The following TMEM209 variants were observed in gnomAD, a reference collection of about 807,000 sequenced individuals.
TMEM209 encodes the protein testicular tissue protein Li 202.
TMEM209 carries 65 observed loss-of-function variants against 76.2 expected under a neutral mutation model. The observed-to-expected ratio is 0.85, with a 90% CI of 0.70 to 1.05. The LOEUF (loss-of-function observed/expected upper bound fraction) is 1.05, where lower values mean the gene tolerates loss of function less well. TMEM209 is among the 50% of genes least tolerant of loss of function. The pLI, the probability that TMEM209 is intolerant of heterozygous loss-of-function variation, is 0.00. For missense variants in TMEM209, 623 were observed against 685.5 expected (o/e 0.91, Z 1.02); for synonymous variants, 239 against 237.6 (o/e 1.01, Z -0.06).
chr7:130,198,771 A>G (rs2117028857), intron 5 of TMEM209, among the ~76,000 whole-genome samples: 1 of 152,296 alleles, frequency 6.6e-6, no homozygotes, highest in East Asian at 1.9e-4. Flanking sequence ...TAAACATTTT[A>G]GTGGTGTTTT....
intron 1 of TMEM209, chr7:130,205,103 G>C (rs952710311): frequency 1.1e-5 from 15 of 1,410,910 alleles, no homozygotes; most frequent in Non-Finnish European, 1.2e-5. Flanking sequence ...TTGTTCCAGC[G>C]ACAAGCAGTC....
At chr7:130,201,790 T>C in intron 5 of TMEM209, 60 bp downstream of exon 5, 1 of 1,594,536 alleles carries the variant, frequency 6.3e-7, no homozygotes, top group Non-Finnish European at 8.6e-7. Context: ...CATTAGATGA[T>C]TTTTAGTATA....
At chr7:130,183,148 T>G (rs1431847661) in intron 8 of TMEM209, among the ~76,000 whole-genome samples, 1 of 152,228 alleles carries the variant, frequency 6.6e-6, no homozygotes, top group Non-Finnish European at 1.5e-5. Flanking sequence ...CATGTTAGCA[T>G]TTTTAGACTA....
intron 9 of TMEM209, among the ~76,000 whole-genome samples, chr7:130,179,539 T>C (rs550379832): frequency 1.3e-5 from 2 of 152,280 alleles, no homozygotes; most frequent in East Asian, 1.9e-4. Context: ...TAACTATGCA[T>C]AGAAATGTAA....
At position 130,187,857 on chromosome 7, in the gene TMEM209, C is replaced by T. The variant is rs117408680; in HGVS notation, c.776-2490G>A. On this transcript the variant is annotated intron_variant, in intron 6 of 14. Coordinates refer to ENST00000397622, the MANE Select transcript of TMEM209 (RefSeq NM_032842.4). Reference sequence around the variant, plus strand: ...AACAGCTAGGAAGAGACAAGGCTTCCATCCAGCCAAGATAAGCTTACCAGA... The same window carrying T: ...AACAGCTAGGAAGAGACAAGGCTTCTATCCAGCCAAGATAAGCTTACCAGA... Among the ~76,000 whole-genome samples, 9 of 152,198 alleles carry T rather than the reference C, an allele frequency of 5.9e-5. No individual in the cohort carries two copies. In the East Asian group the frequency reaches 1.7e-3, roughly 29 times the overall value.
chr7:130,171,964 C>T lies in TMEM209; in HGVS notation c.1558-1491G>A, dbSNP rs181154481. On this transcript the variant is annotated intron_variant, in intron 13 of 14. Coordinates refer to ENST00000397622, the MANE Select transcript of TMEM209 (RefSeq NM_032842.4). ...AGGAGAATCGCTTGAACCTGGGAGG[C>T]GGAGGTTGCAGTGAGCCGAGATCAC... is the stretch of plus-strand genomic sequence containing the variant. 2.2e-3 allele frequency among the ~76,000 whole-genome samples: 337 copies of T among 150,370 alleles called. 1 individual carries two copies. Among genetic ancestry groups the T allele is most frequent in the Non-Finnish European group, 3.7e-3 (249 of 67,474 alleles).
At chr7:130,190,248 T>C (rs897034679) in intron 6 of TMEM209, among the ~76,000 whole-genome samples, 6 of 152,204 alleles carry the variant, frequency 3.9e-5, no homozygotes, top group African/African-American at 1.4e-4. Flanking sequence ...CCAGGCGCGG[T>C]GGCTCACGGC....
chr7:130,180,472 G>A (rs969362259), intron 9 of TMEM209, among the ~76,000 whole-genome samples: 8 of 151,946 alleles, frequency 5.3e-5, no homozygotes, highest in Admixed American at 4.6e-4. Flanking sequence ...GGGTTCAAGC[G>A]ATTCTCCTGC....
At chr7:130,172,998 CA>C (rs67876495) in intron 13 of TMEM209, among the ~76,000 whole-genome samples, 24,893 of 85,558 alleles carry the variant, frequency 0.29, 1,381 homozygotes, top group Middle Eastern at 0.4. Context: ...GACTCTATCT[CA>C]AAAAAAAAAA....
At position 130,193,470 on chromosome 7, in the gene TMEM209, C is replaced by T. The variant is rs1291881775; in HGVS notation, c.574-647G>A. Among the ~76,000 whole-genome samples, 12 of 151,258 alleles carry T rather than the reference C, an allele frequency of 7.9e-5. 1 individual carries two copies. The highest frequency in any genetic ancestry group is 7.9e-4 in the Admixed American group (12 of 15,144). On this transcript the variant is annotated intron_variant, in intron 5 of 14. Transcript: ENST00000397622. Reference sequence around the variant, plus strand: ...GGAGAATCGCTTAAACCCCGGGAGGCGGAGGTTGTGGCGAGCCAAGATCGC... The same window carrying T: ...GGAGAATCGCTTAAACCCCGGGAGGTGGAGGTTGTGGCGAGCCAAGATCGC...
At chr7:130,176,040 T>C (rs530659761) in intron 10 of TMEM209, among the ~76,000 whole-genome samples, 3 of 151,798 alleles carry the variant, frequency 2.0e-5, no homozygotes, top group East Asian at 3.9e-4. Flanking sequence ...TGTATATATA[T>C]GTGGAAAGAA....
chr7:130,175,944 A>G (rs1049690336), intron 10 of TMEM209, among the ~76,000 whole-genome samples: 1 of 152,112 alleles, frequency 6.6e-6, no homozygotes, highest in African/African-American at 2.4e-5. Context: ...GGTTAGGAGA[A>G]TGTTCTTACT....
chr7:130,182,473 T>G (rs1033811215), intron 8 of TMEM209, among the ~76,000 whole-genome samples: 3 of 152,190 alleles, frequency 2.0e-5, no homozygotes, highest in Non-Finnish European at 4.4e-5. Flanking sequence ...ACTGCCTAAC[T>G]CTCAGCAGGC....
At position 130,165,714 on chromosome 7, in the gene TMEM209, A is replaced by C. The variant is rs1017518959; in HGVS notation, c.*737T>G. ...GGGGAAACATTAAAAAAAAAAAAAA[A>C]AAAACTAAATCAGCAATTTTCTTAC... On this transcript the variant is annotated 3_prime_UTR_variant, in exon 15 of 15. Transcript: ENST00000397622. The C allele has an allele frequency of 2.6e-5, 4 of 151,616 alleles. No homozygotes were observed. The highest frequency in any genetic ancestry group is 6.6e-5 in the Admixed American group (1 of 15,198). The allele number at this position is 151,616 out of a possible 1,614,324, so 9.4% of individuals were successfully genotyped here. A position where few individuals can be genotyped will look rare whatever the true frequency, so the allele number is the denominator to read the frequency against.
At chr7:130,190,254 A>C (rs1797747987) in intron 6 of TMEM209, among the ~76,000 whole-genome samples, 1 of 152,240 alleles carries the variant, frequency 6.6e-6, no homozygotes, top group Non-Finnish European at 1.5e-5. Context: ...GCGGTGGCTC[A>C]CGGCTGTAAT....
At position 130,185,190 on chromosome 7, in the gene TMEM209, A is replaced by G. The variant is rs118139998; in HGVS notation, c.951+2T>C. The G allele has an allele frequency of 6.0e-3, 9,614 of 1,607,480 alleles. 57 individuals carry two copies. The highest frequency in any genetic ancestry group is 0.02 in the South Asian group (1,797 of 90,160). On this transcript the variant is annotated splice_donor_variant, in intron 7 of 14. Transcript: ENST00000397622. LOFTEE classifies it high-confidence loss of function. Reference sequence around the variant, plus strand: ...ATTAAGTCACTTTTATTTTCCACTTACCTCTTCTGCGGCTTGTTTAGAGCT... The same window carrying G: ...ATTAAGTCACTTTTATTTTCCACTTGCCTCTTCTGCGGCTTGTTTAGAGCT...
rs1163028213 is a variant in TMEM209 at position 130,165,576 on chromosome 7, A to G, written c.*875T>C. 3.3e-5 allele frequency: 5 copies of G among 152,136 alleles called. No homozygotes were observed. In the East Asian group the frequency reaches 7.7e-4, roughly 23 times the overall value. 9.4% of individuals were successfully genotyped at this position (152,136 alleles called of 1,614,324 possible). On this transcript the variant is annotated 3_prime_UTR_variant, in exon 15 of 15. Transcript: ENST00000397622. ...CTAAGTGTTGACTTTTTAAATGTCA[A>G]TACTTTCAAACCTCCTTTAATAATA...
intron 14 of TMEM209, among the ~76,000 whole-genome samples, chr7:130,167,246 T>C (rs992331341): frequency 3.3e-5 from 5 of 152,160 alleles, no homozygotes; most frequent in African/African-American, 1.2e-4. Context: ...CATGAACTTT[T>C]AGCCCTCTAT....
intron 5 of TMEM209, among the ~76,000 whole-genome samples, chr7:130,201,174 C>CTT (rs1280483033): frequency 6.9e-6 from 1 of 145,968 alleles, no homozygotes; most frequent in African/African-American, 2.5e-5. Flanking sequence ...AGAGACTCCT[C>CTT]TTTTAACTAG....
Sources: allele counts gnomAD v4.1 joint callset (sites outside exome capture counted in the v4.1 genomes callset), GRCh38; gene constraint gnomAD v4.1.1; transcripts MANE v1.5; gene names NCBI Gene and HGNC (gene_info 2026-07-23, HGNC 2026-07-21).